Variants in PDGFRL observed in about 807,000 individuals in gnomAD.
PDGFRL encodes the protein platelet-derived growth factor receptor-like protein.
Under a neutral mutation model 37.2 loss-of-function variants are expected in PDGFRL, and 46 were observed. The ratio of observed to expected loss-of-function variants is 1.24; its 90% CI spans 0.98 to 1.58. The LOEUF (loss-of-function observed/expected upper bound fraction) is 1.58, where lower values mean the gene tolerates loss of function less well. PDGFRL is among the 40% of genes most tolerant of loss of function. The pLI, the probability that PDGFRL is intolerant of heterozygous loss-of-function variation, is 0.00. For missense variants in PDGFRL, 692 were observed against 467.6 expected (o/e 1.48, Z -4.43); for synonymous variants, 251 against 184.3 (o/e 1.36, Z -2.93).
At chr8:17,588,460 T>G (rs113545582) in intron 1 of PDGFRL, among the ~76,000 whole-genome samples, 26,438 of 151,788 alleles carry the variant, frequency 0.17, 2,728 homozygotes, top group South Asian at 0.32. Context: ...GAGGGTTGCT[T>G]GAGGCCAGGA....
chr8:17,582,325 C>G (rs1468640900), intron 1 of PDGFRL, among the ~76,000 whole-genome samples: 1 of 152,086 alleles, frequency 6.6e-6, no homozygotes, highest in African/African-American at 2.4e-5. Context: ...CAGGGTGGCT[C>G]ACGCCTGTAA....
At chr8:17,629,351 G>C (rs760203002) in intron 4 of PDGFRL, among the ~76,000 whole-genome samples, 8 of 150,122 alleles carry the variant, frequency 5.3e-5, no homozygotes, top group African/African-American at 2.0e-4. Context: ...TCCTTCCATC[G>C]TTCACTCTGG....
intron 5 of PDGFRL, among the ~76,000 whole-genome samples, chr8:17,634,452 T>A (rs2129830036): frequency 6.6e-6 from 1 of 152,190 alleles, no homozygotes; most frequent in East Asian, 1.9e-4. Flanking sequence ...CATTAGTCAG[T>A]TTGCTCAATG....
intron 2 of PDGFRL, among the ~76,000 whole-genome samples, chr8:17,597,758 G>A (rs1247140093): frequency 1.3e-5 from 2 of 152,114 alleles, no homozygotes; most frequent in East Asian, 1.9e-4. Flanking sequence ...TTTCACAGTG[G>A]TGTTTTAGCA....
chr8:17,595,506 G>A (rs1804033691), intron 2 of PDGFRL, among the ~76,000 whole-genome samples: 1 of 152,182 alleles, frequency 6.6e-6, no homozygotes, highest in Admixed American at 6.5e-5. Context: ...CTGGCCTGGA[G>A]GTTTCTCAGC....
chr8:17,597,540 T>C (rs920681621), intron 2 of PDGFRL, among the ~76,000 whole-genome samples: 4 of 92,038 alleles, frequency 4.3e-5, no homozygotes, highest in Non-Finnish European at 6.7e-5. Context: ...TAGAGAAAAA[T>C]GCAATATACA....
intron 2 of PDGFRL, among the ~76,000 whole-genome samples, chr8:17,615,844 G>A (rs1377241909): frequency 6.6e-6 from 1 of 152,228 alleles, no homozygotes; most frequent in Non-Finnish European, 1.5e-5. Context: ...AGGAGTTTGA[G>A]GCTGTAGTGA....
At chr8:17,593,723 C>T (rs545483765) in intron 2 of PDGFRL, among the ~76,000 whole-genome samples, 91 of 151,974 alleles carry the variant, frequency 6.0e-4, no homozygotes, top group Non-Finnish European at 1.0e-4. Flanking sequence ...AGCGAAACCC[C>T]GTCTCTACTA....
intron 2 of PDGFRL, among the ~76,000 whole-genome samples, chr8:17,598,756 G>T (rs1218359692): frequency 6.6e-6 from 1 of 152,132 alleles, no homozygotes; most frequent in African/African-American, 2.4e-5. Flanking sequence ...TGTGGGAGGG[G>T]CCCAGTGGGA....
At chr8:17,635,735 C>T (rs2129837061) in intron 5 of PDGFRL, among the ~76,000 whole-genome samples, 1 of 152,304 alleles carries the variant, frequency 6.6e-6, no homozygotes, top group South Asian at 2.1e-4. Context: ...TTTACATTCC[C>T]ACCAGCAGTG....
At chr8:17,625,210 G>C (rs7830054) in intron 3 of PDGFRL, among the ~76,000 whole-genome samples, 102,493 of 148,816 alleles carry the variant, frequency 0.69, 37,244 homozygotes, top group Non-Finnish European at 0.82. Context: ...GGAGTGCAGT[G>C]GCACCATCTC....
intron 4 of PDGFRL, among the ~76,000 whole-genome samples, chr8:17,633,576 T>C (rs148757116): frequency 4.9e-4 from 74 of 152,308 alleles, no homozygotes; most frequent in African/African-American, 1.7e-3. Flanking sequence ...GAAATTTGTT[T>C]CTGAAACATG....
chr8:17,577,520 T>C lies in PDGFRL; in HGVS notation c.55+213T>C, dbSNP rs1400266465. On this transcript the variant is annotated intron_variant, in intron 1 of 5. Coordinates refer to ENST00000251630, the MANE Select transcript of PDGFRL (RefSeq NM_001372073.1). The stretch of plus-strand genomic sequence containing the variant: ...TGCCCGGAGAGCCCTCTAGGGGTGG[T>C]GGCAGCTACCCCGACCCTTAGGAGC... Among the ~76,000 whole-genome samples, 4 of 151,708 alleles carry C rather than the reference T, an allele frequency of 2.6e-5. No individual in the cohort carries two copies. In the East Asian group the frequency reaches 7.8e-4, roughly 30 times the overall value.
At chr8:17,606,439 G>T (rs1804278678) in intron 2 of PDGFRL, among the ~76,000 whole-genome samples, 1 of 152,106 alleles carries the variant, frequency 6.6e-6, no homozygotes, top group Non-Finnish European at 1.5e-5. Context: ...ATTTGCAGTG[G>T]CCAGTCAAAA....
At chr8:17,593,472 C>G (rs546514372) in intron 2 of PDGFRL, among the ~76,000 whole-genome samples, 10 of 151,456 alleles carry the variant, frequency 6.6e-5, no homozygotes, top group African/African-American at 2.4e-4. Context: ...GTAGTGCATT[C>G]CTGTAGTCCC....
intron 2 of PDGFRL, among the ~76,000 whole-genome samples, chr8:17,608,333 G>T (rs908647480): frequency 7.9e-5 from 12 of 152,182 alleles, no homozygotes; most frequent in African/African-American, 2.9e-4. Flanking sequence ...CAGCACTGTT[G>T]TTTGTGAACT....
At chr8:17,591,914 C>CA (rs900930964) in intron 2 of PDGFRL, among the ~76,000 whole-genome samples, 3 of 152,040 alleles carry the variant, frequency 2.0e-5, no homozygotes, top group African/African-American at 7.2e-5. Flanking sequence ...TACTGTGTCT[C>CA]AAAAAAGAAA....
chr8:17,616,169 ATTAT>A (rs58323480), intron 2 of PDGFRL, among the ~76,000 whole-genome samples: 10,995 of 144,128 alleles, frequency 0.076, 461 homozygotes, highest in Admixed American at 0.1. Flanking sequence ...TATTATTGTT[ATTAT>A]TTATTTATTT....
At position 17,633,141 on chromosome 8, in the gene PDGFRL, C is replaced by T. The variant is rs576943794; in HGVS notation, c.800-933C>T. ...TGCTAGCACATAGCATTTCTCAAGGCTGCCATCAAAATTGCTCATTAACAC... is the reference window on the plus strand; with the variant it reads ...TGCTAGCACATAGCATTTCTCAAGGTTGCCATCAAAATTGCTCATTAACAC... On this transcript the variant is annotated intron_variant, in intron 4 of 5. Coordinates refer to ENST00000251630, the MANE Select transcript of PDGFRL (RefSeq NM_001372073.1). 1.1e-4 allele frequency among the ~76,000 whole-genome samples: 17 copies of T among 152,280 alleles called. No homozygotes were observed. In the Middle Eastern group the frequency reaches 0.014, roughly 122 times the overall value.
Sources: allele counts gnomAD v4.1 joint callset (sites outside exome capture counted in the v4.1 genomes callset), GRCh38; gene constraint gnomAD v4.1.1; transcripts MANE v1.5; gene names NCBI Gene and HGNC (gene_info 2026-07-23, HGNC 2026-07-21).